The following CHRM3 variants were observed in gnomAD, a reference collection of about 807,000 sequenced individuals.
CHRM3 encodes cholinergic receptor muscarinic 3, also known as muscarinic acetylcholine receptor M3.
CHRM3 carries 11 observed loss-of-function variants against 41.8 expected under a neutral mutation model. The observed-to-expected ratio is 0.26, with a 90% CI of 0.17 to 0.44. The LOEUF is 0.44. Among genes scored for constraint, CHRM3 ranks in the 20% least tolerant of loss-of-function variants. The pLI is 1.00. For missense variants in CHRM3, 571 were observed against 745.4 expected (o/e 0.77, Z 2.72); for synonymous variants, 297 against 301.4 (o/e 0.99, Z 0.15).
intron 6 of CHRM3, among the ~76,000 whole-genome samples, chr1:239,842,237 G>C (rs1673870000): frequency 6.9e-6 from 1 of 145,232 alleles, no homozygotes; most frequent in Non-Finnish European, 1.5e-5. Flanking sequence ...TGAGGGGGTT[G>C]GGGGGACAGA....
At chr1:239,484,481 AAAATATCC>A (rs1479095673) in intron 1 of CHRM3, among the ~76,000 whole-genome samples, 2 of 152,108 alleles carry the variant, frequency 1.3e-5, no homozygotes. Context: ...TTTGGAGGGA[AAAATATCC>A]AAACCACATC....
At chr1:239,802,755 G>T (rs925477548) in intron 5 of CHRM3, among the ~76,000 whole-genome samples, 1 of 151,946 alleles carries the variant, frequency 6.6e-6, no homozygotes, top group African/African-American at 2.4e-5. Flanking sequence ...GCACCACCAC[G>T]CCCAGCTAAT....
chr1:239,433,342 T>C (rs1258040503), intron 1 of CHRM3, among the ~76,000 whole-genome samples: 1 of 152,218 alleles, frequency 6.6e-6, no homozygotes, highest in East Asian at 1.9e-4. Context: ...CATATTTTGC[T>C]CTAAGCACCT....
At chr1:239,895,766 T>C (rs1182847378) in intron 6 of CHRM3, among the ~76,000 whole-genome samples, 2 of 152,084 alleles carry the variant, frequency 1.3e-5, no homozygotes, top group South Asian at 2.1e-4. Flanking sequence ...GAGCTGAGCA[T>C]TGAGTACACA....
intron 4 of CHRM3, among the ~76,000 whole-genome samples, chr1:239,642,499 G>T (rs12086609): frequency 6.6e-6 from 1 of 151,706 alleles, no homozygotes; most frequent in African/African-American, 2.4e-5. Flanking sequence ...TTCCCTTCTC[G>T]CTTCATTTCA....
At chr1:239,646,573 A>G (rs1671757527) in intron 4 of CHRM3, among the ~76,000 whole-genome samples, 1 of 152,168 alleles carries the variant, frequency 6.6e-6, no homozygotes, top group African/African-American at 2.4e-5. Flanking sequence ...ATACCCTTCT[A>G]TAAGAAGGTT....
chr1:239,680,933 T>C (rs1317736383), intron 5 of CHRM3, among the ~76,000 whole-genome samples: 4 of 152,116 alleles, frequency 2.6e-5, no homozygotes, highest in African/African-American at 9.7e-5. Context: ...AGGGGTTTAA[T>C]TGGACTTACA....
At position 239,913,276 on chromosome 1, in the gene CHRM3, G is replaced by A. The variant is rs535012724; in HGVS notation, c.*4052G>A. ...ACAAAATAGAGTTTCTAGGTAGCAG[G>A]TGTTTGCTTTGGTTTTGCAATAGCA... On this transcript the variant is annotated 3_prime_UTR_variant, in exon 7 of 7. Coordinates refer to ENST00000676153, the MANE Select transcript of CHRM3 (RefSeq NM_001375978.1). 4.8e-4 allele frequency: 81 copies of A among 167,146 alleles called. No homozygotes were observed. The highest frequency in any genetic ancestry group is 2.6e-4 in the Non-Finnish European group (18 of 68,112). The allele number at this position is 167,146 out of a possible 1,614,324, so 10.4% of individuals were successfully genotyped here. A position where few individuals can be genotyped will look rare whatever the true frequency, so the allele number is the denominator to read the frequency against.
intron 6 of CHRM3, among the ~76,000 whole-genome samples, chr1:239,842,559 A>G (rs1053769562): frequency 6.6e-6 from 1 of 152,110 alleles, no homozygotes; most frequent in Non-Finnish European, 1.5e-5. Context: ...ATGATGATGG[A>G]TGGGGAGACC....
At chr1:239,550,240 C>T (rs965769349) in intron 3 of CHRM3, among the ~76,000 whole-genome samples, 2 of 152,138 alleles carry the variant, frequency 1.3e-5, no homozygotes, top group African/African-American at 4.8e-5. Context: ...TTTACAGGCA[C>T]GGTCATCTGT....
chr1:239,629,955 C>G (rs893382504), intron 3 of CHRM3, among the ~76,000 whole-genome samples: 3 of 152,126 alleles, frequency 2.0e-5, no homozygotes, highest in Non-Finnish European at 2.9e-5. Context: ...GTCATCTGTA[C>G]TTAGAGATTT....
At chr1:239,793,318 A>G (rs1288860383) in intron 5 of CHRM3, among the ~76,000 whole-genome samples, 2 of 152,192 alleles carry the variant, frequency 1.3e-5, no homozygotes, top group Admixed American at 1.3e-4. Context: ...TAAAATCACA[A>G]TAACCATGTT....
intron 5 of CHRM3, among the ~76,000 whole-genome samples, chr1:239,708,598 C>G (rs1273945612): frequency 6.6e-6 from 1 of 152,054 alleles, no homozygotes; most frequent in African/African-American, 2.4e-5. Flanking sequence ...GCACCATTCA[C>G]AAATGTTCAT....
At chr1:239,562,131 A>G (rs960885450) in intron 3 of CHRM3, among the ~76,000 whole-genome samples, 2 of 152,212 alleles carry the variant, frequency 1.3e-5, no homozygotes, top group African/African-American at 4.8e-5. Flanking sequence ...TTGAAATTTA[A>G]GACATCTTTC....
intron 5 of CHRM3, among the ~76,000 whole-genome samples, chr1:239,813,916 C>CAAAAAAAAAAAAAA (rs67147618): frequency 7.8e-5 from 8 of 103,220 alleles, no homozygotes; most frequent in African/African-American, 3.1e-4. Context: ...GACTCCGTCT[C>CAAAAAAAAAAAAAA]AAAAAAAAAA....
intron 1 of CHRM3, among the ~76,000 whole-genome samples, chr1:239,417,989 G>A (rs1661637192): frequency 6.6e-6 from 1 of 152,162 alleles, no homozygotes; most frequent in African/African-American, 2.4e-5. Context: ...AGAAAGCTAA[G>A]TTTCAGATCG....
chr1:239,519,504 T>A (rs1302185414), intron 2 of CHRM3, among the ~76,000 whole-genome samples: 1 of 152,156 alleles, frequency 6.6e-6, no homozygotes, highest in Non-Finnish European at 1.5e-5. Flanking sequence ...TGTTAGTGAT[T>A]CATAAGCTAA....
chr1:239,610,780 G>T (rs527906278), intron 3 of CHRM3, among the ~76,000 whole-genome samples: 3 of 152,144 alleles, frequency 2.0e-5, no homozygotes, highest in Admixed American at 6.5e-5. Context: ...TAGGCCAGGC[G>T]CTGTGGCTCA....
At chr1:239,755,395 C>T (rs1666158394) in intron 5 of CHRM3, among the ~76,000 whole-genome samples, 1 of 152,104 alleles carries the variant, frequency 6.6e-6, no homozygotes, top group African/African-American at 2.4e-5. Context: ...CAATAAAGTT[C>T]CTGATTTTTA....
Sources: allele counts gnomAD v4.1 joint callset (sites outside exome capture counted in the v4.1 genomes callset), GRCh38; gene constraint gnomAD v4.1.1; transcripts MANE v1.5; gene names NCBI Gene and HGNC (gene_info 2026-07-23, HGNC 2026-07-21).